PREX2: variants seen among roughly 807,000 people sequenced by gnomAD.
PREX2 encodes phosphatidylinositol-3,4,5-trisphosphate dependent Rac exchange factor 2.
Under a neutral mutation model 203.2 loss-of-function variants are expected in PREX2, and 107 were observed. The observed-to-expected ratio is 0.53, with a 90% CI of 0.45 to 0.62. The LOEUF (loss-of-function observed/expected upper bound fraction) is 0.62. Ranked by LOEUF, PREX2 falls within the 20% of genes least tolerant of loss-of-function variation. PREX2 has a pLI of 0.00. For missense variants in PREX2, 1,777 were observed against 1,955.9 expected (o/e 0.91, Z 1.72); for synonymous variants, 672 against 663.6 (o/e 1.01, Z -0.19).
At chr8:68,070,284 T>A (rs904639508) in intron 13 of PREX2, among the ~76,000 whole-genome samples, 8 of 151,850 alleles carry the variant, frequency 5.3e-5, no homozygotes, top group Non-Finnish European at 1.0e-4. Flanking sequence ...TGAATATGTA[T>A]TTTATTTTAT....
At chr8:67,976,039 TA>T (rs1262156244) in intron 1 of PREX2, among the ~76,000 whole-genome samples, 1 of 151,884 alleles carries the variant, frequency 6.6e-6, no homozygotes, top group Non-Finnish European at 1.5e-5. Context: ...ATTTTTGATT[TA>T]AAAAAATGCA....
At chr8:68,056,014 T>G in intron 10 of PREX2, 40 bp downstream of exon 10, 1 of 1,559,606 alleles carries the variant, frequency 6.4e-7, no homozygotes, top group African/African-American at 1.4e-5. Context: ...TCTTTTACAT[T>G]CTCATTGTCT....
intron 1 of PREX2, among the ~76,000 whole-genome samples, chr8:67,980,086 C>T (rs978633328): frequency 1.3e-5 from 2 of 152,108 alleles, no homozygotes; most frequent in Admixed American, 6.5e-5. Flanking sequence ...GGAATTTGAG[C>T]AAAGAGGTGA....
chr8:68,168,316 T>C (rs1303697272), intron 35 of PREX2, among the ~76,000 whole-genome samples: 1 of 152,218 alleles, frequency 6.6e-6, no homozygotes, highest in Non-Finnish European at 1.5e-5. Context: ...CACACTCCTG[T>C]GGATCTTTTA....
chr8:68,015,167 G>C (rs1807377904), intron 1 of PREX2, among the ~76,000 whole-genome samples: 1 of 152,142 alleles, frequency 6.6e-6, no homozygotes, highest in Non-Finnish European at 1.5e-5. Flanking sequence ...AACAGAGTCT[G>C]AAAGGACACT....
rs1194392668 is a variant in PREX2 at position 68,190,013 on chromosome 8, G to GACAA, written c.4347-1707_4347-1704dup. Among the ~76,000 whole-genome samples, 4 of 152,238 alleles carry GACAA rather than the reference G, an allele frequency of 2.6e-5. No homozygotes were observed. The East Asian group carries it at 7.7e-4, about 29-fold the overall frequency. ...AATCCATGTTACTTTATTTTAAAAA[G>GACAA]ACAAAACACTATTGCTAGTAATGGG... On this transcript the variant is annotated intron_variant, in intron 35 of 39. Transcript: ENST00000288368.
chr8:68,163,904 G>A (rs536715330), intron 35 of PREX2, among the ~76,000 whole-genome samples: 49 of 152,262 alleles, frequency 3.2e-4, no homozygotes, highest in African/African-American at 1.2e-3. Context: ...AGTTCTGCCA[G>A]TGACTCTCCA....
chr8:67,966,995 T>A (rs1805796272), intron 1 of PREX2, among the ~76,000 whole-genome samples: 1 of 152,220 alleles, frequency 6.6e-6, no homozygotes, highest in Admixed American at 6.5e-5. Context: ...CCTGGGAGAA[T>A]AAGTGAAGCA....
intron 37 of PREX2, among the ~76,000 whole-genome samples, chr8:68,202,630 G>A (rs1408774753): frequency 1.3e-5 from 2 of 152,100 alleles, no homozygotes; most frequent in Non-Finnish European, 2.9e-5. Flanking sequence ...AGTTGTGAAA[G>A]GTATTAAATG....
chr8:68,093,130 C>T (rs1370876028), intron 20 of PREX2, among the ~76,000 whole-genome samples: 1 of 152,070 alleles, frequency 6.6e-6, no homozygotes, highest in Admixed American at 6.5e-5. Flanking sequence ...GTAGCTCCTG[C>T]CTGTAATCCC....
intron 35 of PREX2, among the ~76,000 whole-genome samples, chr8:68,190,390 G>A (rs759251223): frequency 6.6e-6 from 1 of 151,846 alleles, no homozygotes; most frequent in African/African-American, 2.4e-5. Context: ...TGCTCAAAAC[G>A]GCATAATATG....
intron 34 of PREX2, among the ~76,000 whole-genome samples, chr8:68,150,479 T>C (rs894021511): frequency 6.6e-6 from 1 of 152,176 alleles, no homozygotes; most frequent in Non-Finnish European, 1.5e-5. Context: ...CTGATTACTC[T>C]ACCCTTCTCA....
At chr8:68,154,276 G>T (rs1811498489) in intron 34 of PREX2, among the ~76,000 whole-genome samples, 2 of 152,196 alleles carry the variant, frequency 1.3e-5, no homozygotes, top group South Asian at 4.1e-4. Flanking sequence ...TTGGCATGTT[G>T]CCTAGTAAAT....
Position 68,214,118 on chromosome 8 carries a change from GGGCTGGGCAT to G in PREX2, c.4605-3495_4605-3486del, listed in dbSNP as rs551154829. 1.0e-3 allele frequency among the ~76,000 whole-genome samples: 153 copies of G among 152,222 alleles called. 1 individual carries two copies. Among genetic ancestry groups the G allele is most frequent in the African/African-American group, 3.5e-3 (147 of 41,550 alleles). On this transcript the variant is annotated intron_variant, in intron 37 of 39. Coordinates refer to ENST00000288368, the MANE Select transcript of PREX2 (RefSeq NM_024870.4). Reference sequence around the variant, plus strand: ...GGCATCAGGTAAGAAACTCCATATTGGGCTGGGCATGGTGGCTCACACCTGTAATTCCAGT... The same window carrying G: ...GGCATCAGGTAAGAAACTCCATATTGGGTGGCTCACACCTGTAATTCCAGT...
intron 35 of PREX2, among the ~76,000 whole-genome samples, chr8:68,174,384 A>G (rs951081837): frequency 6.6e-6 from 1 of 152,132 alleles, no homozygotes; most frequent in Non-Finnish European, 1.5e-5. Flanking sequence ...CCCAACACCA[A>G]ACTTCAAGTA....
intron 19 of PREX2, among the ~76,000 whole-genome samples, chr8:68,090,204 G>A (rs540288697): frequency 2.0e-5 from 3 of 152,264 alleles, no homozygotes; most frequent in African/African-American, 7.2e-5. Flanking sequence ...ATTTAGAAAT[G>A]TTGTAGAATA....
chr8:68,194,325 T>C (rs575252903), intron 37 of PREX2, among the ~76,000 whole-genome samples: 1 of 152,168 alleles, frequency 6.6e-6, no homozygotes, highest in East Asian at 1.9e-4. Flanking sequence ...AAATATGTAA[T>C]GTGGCAAGTG....
At chr8:68,221,853 G>A (rs1812960321) in intron 38 of PREX2, among the ~76,000 whole-genome samples, 1 of 152,088 alleles carries the variant, frequency 6.6e-6, no homozygotes, top group African/African-American at 2.4e-5. Context: ...ACACAAATAC[G>A]TCACACTAGT....
intron 30 of PREX2, among the ~76,000 whole-genome samples, 168 bp downstream of exon 30, chr8:68,121,217 G>C (rs949479162): frequency 6.6e-6 from 1 of 152,122 alleles, no homozygotes; most frequent in Non-Finnish European, 1.5e-5. Flanking sequence ...GAAGGAATAA[G>C]ATTATAGGGT....
Sources: allele counts gnomAD v4.1 joint callset (sites outside exome capture counted in the v4.1 genomes callset), GRCh38; gene constraint gnomAD v4.1.1; transcripts MANE v1.5; gene names NCBI Gene and HGNC (gene_info 2026-07-23, HGNC 2026-07-21).